AATF: variants seen among roughly 807,000 people sequenced by gnomAD.
AATF encodes protein AATF.
AATF carries 48 observed loss-of-function variants against 63.7 expected under a neutral mutation model. The ratio of observed to expected loss-of-function variants is 0.75; its 90% CI spans 0.60 to 0.96. AATF has a LOEUF of 0.96. AATF is among the 40% of genes least tolerant of loss of function. The pLI is 0.00. For synonymous variants in AATF, 258 were observed against 247.7 expected (o/e 1.04, Z -0.39); for missense variants, 639 against 685.7 (o/e 0.93, Z 0.76).
intron 10 of AATF, among the ~76,000 whole-genome samples, chr17:37,028,474 G>C (rs987657393): frequency 3.9e-5 from 6 of 151,944 alleles, no homozygotes; most frequent in Non-Finnish European, 7.4e-5. Context: ...AGGATACATA[G>C]AGGCCTTTTT....
intron 8 of AATF, among the ~76,000 whole-genome samples, chr17:37,004,179 A>G (rs934294948): frequency 7.9e-5 from 12 of 151,608 alleles, no homozygotes; most frequent in Admixed American, 2.0e-4. Context: ...AAAATACAAA[A>G]AATTAGCCAG....
At chr17:36,961,530 T>A (rs1392696105) in intron 4 of AATF, among the ~76,000 whole-genome samples, 1 of 152,218 alleles carries the variant, frequency 6.6e-6, no homozygotes, top group African/African-American at 2.4e-5. Flanking sequence ...CCAGAGTATA[T>A]TCTATAATCA....
intron 8 of AATF, among the ~76,000 whole-genome samples, chr17:36,999,507 G>A (rs2071278495): frequency 6.6e-6 from 1 of 152,198 alleles, no homozygotes; most frequent in Admixed American, 6.5e-5. Flanking sequence ...ATTGGATAGT[G>A]CAAATGTAGA....
intron 8 of AATF, among the ~76,000 whole-genome samples, chr17:37,006,240 C>T (rs544207634): frequency 2.6e-5 from 4 of 152,252 alleles, no homozygotes; most frequent in East Asian, 3.9e-4. Flanking sequence ...GAGGCCAAAG[C>T]GGGTGGATCA....
intron 4 of AATF, 104 bp from the exon 5 acceptor site, chr17:36,986,513 A>G: frequency 1.0e-5 from 9 of 859,196 alleles, no homozygotes; most frequent in Non-Finnish European, 1.8e-5. Context: ...CCTCCCCTTC[A>G]CTCCCCACAG....
intron 10 of AATF, among the ~76,000 whole-genome samples, chr17:37,027,705 AT>A (rs1263934379): frequency 3.9e-5 from 6 of 152,012 alleles, no homozygotes; most frequent in African/African-American, 7.2e-5. Flanking sequence ...AGTGATATGT[AT>A]TTTTTTTGTC....
At chr17:37,043,099 G>GTCTGTAT (rs1171020740) in intron 11 of AATF, 4 of 151,674 alleles carry the variant, frequency 2.6e-5, no homozygotes, top group African/African-American at 4.8e-5. Context: ...TTAACCAATA[G>GTCTGTAT]TCTGTATTCT....
chr17:36,962,785 A>G (rs1331618852), intron 4 of AATF, among the ~76,000 whole-genome samples: 7 of 152,168 alleles, frequency 4.6e-5, no homozygotes, highest in Admixed American at 1.3e-4. Flanking sequence ...TTATATGTAC[A>G]TTTAATTAAC....
At chr17:36,960,456 G>GT (rs138876529) in intron 4 of AATF, among the ~76,000 whole-genome samples, 2,356 of 152,260 alleles carry the variant, frequency 0.015, 68 homozygotes, top group African/African-American at 0.054. Flanking sequence ...TAAGTAGGCA[G>GT]TACATTCACA....
intron 8 of AATF, among the ~76,000 whole-genome samples, chr17:37,001,033 T>TGTGC (rs1157760135): frequency 6.6e-6 from 1 of 151,584 alleles, no homozygotes; most frequent in East Asian, 1.9e-4. Flanking sequence ...AAGAAGAAAT[T>TGTGC]ACAGGCTGTG....
intron 8 of AATF, among the ~76,000 whole-genome samples, chr17:37,009,195 G>A (rs1030945848): frequency 6.6e-6 from 1 of 151,930 alleles, no homozygotes; most frequent in Admixed American, 6.6e-5. Flanking sequence ...GCAGTGGCGC[G>A]ATCTCGGCTC....
At chr17:36,951,109 G>T (rs1453175222) in intron 2 of AATF, among the ~76,000 whole-genome samples, 2 of 152,192 alleles carry the variant, frequency 1.3e-5, no homozygotes, top group African/African-American at 4.8e-5. Flanking sequence ...TTAAAGAATT[G>T]TAAATTTCTC....
In AATF at chr17:36,949,184, G is replaced by A. The variant is rs1310829778; in HGVS notation, c.59G>A (p.Ser20Asn). 2 of 1,593,960 alleles carry A rather than the reference G, an allele frequency of 1.3e-6. No homozygotes were observed. Among genetic ancestry groups the A allele is most frequent in the Admixed American group, 1.8e-5 (1 of 56,346 alleles). ...GAACAGTTGTTGAACCCGCGACCAAGCGAGGCGGACCCTGAAGCGGACCCC... is the reference window on the plus strand; with the variant it reads ...GAACAGTTGTTGAACCCGCGACCAAACGAGGCGGACCCTGAAGCGGACCCC... ...QLEQLLNPRP[S>N]EADPEADPEE... The change falls in exon 1 of 12, where the codon AGC becomes AAC. Residue 20 changes from serine to asparagine, a missense_variant. Transcript: ENST00000619387.
At chr17:36,977,806 G>A (rs1205181781) in intron 4 of AATF, among the ~76,000 whole-genome samples, 1 of 152,124 alleles carries the variant, frequency 6.6e-6, no homozygotes, top group African/African-American at 2.4e-5. Context: ...TAAAGGGGGA[G>A]AGTAAATTTT....
intron 11 of AATF, among the ~76,000 whole-genome samples, chr17:37,049,473 C>T (rs545311855): frequency 5.9e-5 from 9 of 152,088 alleles, no homozygotes; most frequent in South Asian, 2.1e-4. Flanking sequence ...GGCGTGGTGG[C>T]GGGCACCTGT....
chr17:36,991,545 T>G (rs1243755471), intron 8 of AATF, among the ~76,000 whole-genome samples: 1 of 152,076 alleles, frequency 6.6e-6, no homozygotes, highest in African/African-American at 2.4e-5. Flanking sequence ...TCTAGAGAAC[T>G]GAAATAACTT....
At chr17:36,984,997 G>T (rs766158854) in intron 4 of AATF, among the ~76,000 whole-genome samples, 22 of 151,568 alleles carry the variant, frequency 1.5e-4, no homozygotes, top group Non-Finnish European at 1.5e-5. Context: ...TGCCTCCCAG[G>T]TTCAAGCAAT....
At position 36,952,982 on chromosome 17, in the gene AATF, A is replaced by G; in HGVS notation, c.380A>G (p.Glu127Gly). ...GAGGACGACCTGGGTGCTGCTGAGGAACAGGAGTGTGGTGATCACAGGGAG... is the reference window on the plus strand; with the variant it reads ...GAGGACGACCTGGGTGCTGCTGAGGGACAGGAGTGTGGTGATCACAGGGAG... The part of the protein sequence containing the change: ...YDEDDLGAAE[E>G]QECGDHRESK... Residue 127 changes from glutamate (E) to glycine (G), a missense_variant, in exon 3 of 12, where the codon GAA becomes GGA. By Grantham distance (98) the Glu-to-Gly change is moderately conservative (BLOSUM62 -2). Coordinates refer to ENST00000619387, the MANE Select transcript of AATF (RefSeq NM_012138.4). 6.2e-7 allele frequency: 1 copy of G among 1,614,162 alleles called. No homozygotes were observed. Among genetic ancestry groups the G allele is most frequent in the Non-Finnish European group, 8.5e-7 (1 of 1,180,030 alleles).
chr17:36,957,541 G>C (rs1270279195), intron 4 of AATF, among the ~76,000 whole-genome samples: 2 of 152,172 alleles, frequency 1.3e-5, no homozygotes, highest in East Asian at 3.8e-4. Flanking sequence ...ACAATGCAGT[G>C]TTGGCCTCTT....
Sources: allele counts gnomAD v4.1 joint callset (sites outside exome capture counted in the v4.1 genomes callset), GRCh38; gene constraint gnomAD v4.1.1; transcripts MANE v1.5; gene names NCBI Gene and HGNC (gene_info 2026-07-23, HGNC 2026-07-21).